The following ZAN variants were observed in gnomAD, a reference collection of about 807,000 sequenced individuals.
The protein encoded by ZAN is zonadhesin.
ZAN carries 260 observed loss-of-function variants against 286.2 expected under a neutral mutation model. The ratio of observed to expected loss-of-function variants is 0.91; its 90% CI spans 0.82 to 1.01. The LOEUF (loss-of-function observed/expected upper bound fraction) is 1.01, where lower values mean the gene tolerates loss of function less well. Ranked by LOEUF, ZAN falls within the 50% of genes least tolerant of loss-of-function variation. ZAN has a pLI of 0.00. For missense variants in ZAN, 3,410 were observed against 3,639.2 expected, an observed-to-expected ratio of 0.94 and a Z score of 1.62; for synonymous variants, 1,368 against 1,417.5, an observed-to-expected ratio of 0.97 and a Z score of 0.79.
At chr7:100,758,508 C>T (rs1161575433) in intron 16 of ZAN, 23 bp from the exon 17 acceptor site, 28 of 1,554,616 alleles carry the variant, frequency 1.8e-5, no homozygotes, top group Non-Finnish European at 2.4e-5. Context: ...AGCAGCTTCG[C>T]CTGTTCTCCT....
In ZAN at chr7:100,763,682, G is replaced by A; in HGVS notation, c.3987-124G>A. The A allele has an allele frequency of 1.1e-6, 1 of 920,768 alleles. No homozygotes were observed. Among genetic ancestry groups the A allele is most frequent in the Non-Finnish European group, 1.7e-6 (1 of 573,236 alleles). 57.0% of individuals were successfully genotyped at this position (920,768 alleles called of 1,614,324 possible). On this transcript the variant is annotated intron_variant, in intron 20 of 47. Coordinates refer to ENST00000613979, the MANE Select transcript of ZAN (RefSeq NM_003386.3). This position sits in a 1 kb window ranked among gnomAD's most constrained non-coding sequence, Gnocchi z 4.6. ...GGCTCAGTGGTCAAACATCCTCTGG[G>A]AGGGGTTTCCCAGCTGACAGGCTGG...
Position 100,797,654 on chromosome 7 carries a change from G to A in ZAN, c.8413+31G>A, listed in dbSNP as rs117805995. On this transcript the variant is annotated intron_variant, in intron 47 of 47. Coordinates refer to ENST00000613979, the MANE Select transcript of ZAN (RefSeq NM_003386.3). The stretch of plus-strand genomic sequence containing the variant: ...AACCAACCCCACAGCCCGGAACCTC[G>A]GGGCCTAGAGTTGAGTCTCCTCTCA... The A allele has an allele frequency of 8.3e-3, 13,358 of 1,613,938 alleles. 86 individuals are homozygous for A. Among genetic ancestry groups the A allele is most frequent in the Non-Finnish European group, 9.4e-3 (11,121 of 1,179,892 alleles).
chr7:100,759,320 C>A (rs967115620), intron 17 of ZAN, among the ~76,000 whole-genome samples: 1 of 152,018 alleles, frequency 6.6e-6, no homozygotes. Flanking sequence ...GCAGGAGGAT[C>A]GCTTGAGCCC....
intron 29 of ZAN, among the ~76,000 whole-genome samples, chr7:100,772,237 G>T (rs935610612): frequency 1.3e-5 from 2 of 150,756 alleles, no homozygotes; most frequent in Non-Finnish European, 2.9e-5. Context: ...TTGGAGACCA[G>T]CCTGGTCAAC....
At position 100,789,327 on chromosome 7, in the gene ZAN, T is replaced by G; in HGVS notation, c.7337T>G (p.Phe2446Cys). The part of the protein sequence containing the change: ...LVTDFELVVS[F>C]GGRKNAVISL... Reference sequence around the variant, plus strand: ...ACCGACTTTGAGCTGGTCGTCAGCTTTGGTGGAAGGAAAAATGCAGGTAAT... The same window carrying G: ...ACCGACTTTGAGCTGGTCGTCAGCTGTGGTGGAAGGAAAAATGCAGGTAAT... Residue 2446 changes from phenylalanine (F) to cysteine (C), a missense_variant, in exon 39 of 48, where the codon TTT (phenylalanine) becomes TGT (cysteine). Around this residue, in one of 7 missense-constraint regions of ZAN, gnomAD observed 1,289 missense variants for 1,314.3 expected, o/e 0.98. Transcript: ENST00000613979. 4.3e-6 allele frequency: 7 copies of G among 1,613,480 alleles called. No homozygotes were observed. Among genetic ancestry groups the G allele is most frequent in the Non-Finnish European group, 5.1e-6 (6 of 1,179,674 alleles).
intron 12 of ZAN, 134 bp from the exon 13 acceptor site, chr7:100,751,048 G>A: frequency 7.3e-7 from 1 of 1,367,874 alleles, no homozygotes; most frequent in Non-Finnish European, 9.8e-7. Flanking sequence ...AAGGGGCCGG[G>A]ATGGGGCTGG....
chr7:100,744,504 A>G (rs1808041261), intron 7 of ZAN, among the ~76,000 whole-genome samples: 1 of 151,188 alleles, frequency 6.6e-6, no homozygotes, highest in Non-Finnish European at 1.5e-5. Flanking sequence ...AGGCTGAGGC[A>G]GGAGAATTGT....
At position 100,743,760 on chromosome 7, in the gene ZAN, C is replaced by T. The variant is rs192603114; in HGVS notation, c.767-2778C>T. On this transcript the variant is annotated intron_variant, in intron 7 of 47. Transcript: ENST00000613979. ...AGTGTGGTGGCACACACCTGTAGTC[C>T]CAGATACTCGGGAGGCTGACGTGGG... 2.0e-4 allele frequency among the ~76,000 whole-genome samples: 30 copies of T among 151,400 alleles called. 1 individual carries two copies. In the Admixed American group the frequency reaches 2.0e-3, roughly 10 times the overall value.
At chr7:100,787,487 C>T (rs372451756) in intron 37 of ZAN, among the ~76,000 whole-genome samples, 1 of 152,094 alleles carries the variant, frequency 6.6e-6, no homozygotes, top group South Asian at 2.1e-4. Flanking sequence ...AGGGTGGCCA[C>T]AGGGGATGCC....
intron 44 of ZAN, among the ~76,000 whole-genome samples, chr7:100,794,672 A>G (rs1285736204): frequency 1.3e-5 from 2 of 152,068 alleles, no homozygotes; most frequent in African/African-American, 4.8e-5. Flanking sequence ...CGTCTCTACT[A>G]AAAATTAAAG....
At chr7:100,755,152 G>A (rs1170125963) in intron 14 of ZAN, 74 bp from the exon 15 acceptor site, 5 of 1,494,490 alleles carry the variant, frequency 3.3e-6, no homozygotes, top group Non-Finnish European at 4.5e-6. Context: ...TGAGTTTGGG[G>A]GTAGAGGAGA....
At chr7:100,738,745 C>T in intron 7 of ZAN, 132 bp downstream of exon 7, 1 of 1,101,094 alleles carries the variant, frequency 9.1e-7, no homozygotes. Context: ...ACGCAAGAAG[C>T]TGATTTCAAG....
chr7:100,745,929 G>A (rs188159860), intron 7 of ZAN, among the ~76,000 whole-genome samples: 1 of 150,264 alleles, frequency 6.7e-6, no homozygotes, highest in Non-Finnish European at 1.5e-5. Flanking sequence ...TGGACCTTAA[G>A]AGTTAGCACC....
In ZAN at chr7:100,753,158, C is replaced by G; in HGVS notation, c.3053C>G (p.Ser1018Cys). The change falls in exon 14 of 48, where the codon TCT (serine) becomes TGT (cysteine). Residue 1018 changes from serine to cysteine, a missense_variant. By Grantham distance (112) the Ser-to-Cys change is moderately radical (BLOSUM62 -1). Transcript: ENST00000613979. ...ACTGGGCTGGCAGCCTTGGTGATGTCTCCACATGCTCCAAGTACCCCTATG... is the reference window on the plus strand; with the variant it reads ...ACTGGGCTGGCAGCCTTGGTGATGTGTCCACATGCTCCAAGTACCCCTATG... ...TATGLAALVM[S>C]PHAPSTPMTS... 6.2e-7 allele frequency: 1 copy of G among 1,613,782 alleles called. No individual in the cohort carries two copies. Among genetic ancestry groups the G allele is most frequent in the Non-Finnish European group, 8.5e-7 (1 of 1,179,826 alleles).
chr7:100,776,580 G>A lies in ZAN; in HGVS notation c.6317+16G>A, dbSNP rs1296377079. On this transcript the variant is annotated intron_variant, in intron 34 of 47. Transcript: ENST00000613979. ...TTGACCCAAGGTAGTGGTCCCCTAA[G>A]ACCCTCTAGGTTTTCTTTCTTTTTC... 3.3e-6 allele frequency: 5 copies of A among 1,520,576 alleles called. No homozygotes were observed. Among genetic ancestry groups the A allele is most frequent in the Non-Finnish European group, 4.4e-6 (5 of 1,131,944 alleles). The allele number at this position is 1,520,576 out of a possible 1,614,324, so 94.2% of individuals were successfully genotyped here. A position where few individuals can be genotyped will look rare whatever the true frequency, so the allele number is the denominator to read the frequency against.
intron 45 of ZAN, among the ~76,000 whole-genome samples, chr7:100,796,348 T>C (rs1812361573): frequency 6.6e-6 from 1 of 151,902 alleles, no homozygotes; most frequent in Non-Finnish European, 1.5e-5. Context: ...CGGGGTAACT[T>C]GTGTACATGT....
At position 100,763,600 on chromosome 7, in the gene ZAN, G is replaced by A. The variant is rs1809739306; in HGVS notation, c.3987-206G>A. ...CTCAGTGTGTTACCCAGGCTGGCCTGGAACTCCTGGGCTCAAGCAATTCTC... is the reference window on the plus strand; with the variant it reads ...CTCAGTGTGTTACCCAGGCTGGCCTAGAACTCCTGGGCTCAAGCAATTCTC... On this transcript the variant is annotated intron_variant, in intron 20 of 47. Coordinates refer to ENST00000613979, the MANE Select transcript of ZAN (RefSeq NM_003386.3). The surrounding 1 kb of genome is among the most constrained non-coding windows in gnomAD (Gnocchi z 4.6). Among the ~76,000 whole-genome samples, 1 of 152,042 alleles carries A rather than the reference G, an allele frequency of 6.6e-6. No homozygotes were observed. The highest frequency in any genetic ancestry group is 2.4e-5 in the African/African-American group (1 of 41,386).
chr7:100,752,969 TCA>T lies in ZAN; in HGVS notation c.2866_2867del (p.Thr956HisfsTer109). 7.2e-7 allele frequency: 1 copy of T among 1,394,056 alleles called. No individual in the cohort carries two copies. The highest frequency in any genetic ancestry group is 9.4e-7 in the Non-Finnish European group (1 of 1,062,416). The allele number at this position is 1,394,056 out of a possible 1,614,324, so 86.4% of individuals were successfully genotyped here. A position where few individuals can be genotyped will look rare whatever the true frequency, so the allele number is the denominator to read the frequency against. On this transcript the variant is annotated frameshift_variant, in exon 14 of 48. Coordinates refer to ENST00000613979, the MANE Select transcript of ZAN (RefSeq NM_003386.3). LOFTEE classifies it high-confidence loss of function. The stretch of plus-strand genomic sequence containing the variant: ...AAACCCACCATCTCCCCAGAAAAAC[TCA>T]CCATCCCCACAGAAAAACCCACCAT...
intron 33 of ZAN, 125 bp downstream of exon 33, chr7:100,775,958 G>A: frequency 3.1e-6 from 4 of 1,279,402 alleles, no homozygotes; most frequent in Non-Finnish European, 4.3e-6. Flanking sequence ...GATGGAGCAG[G>A]GCAGTGGAGG....
Sources: gnomAD v4.1 joint callset for allele counts (sites outside exome capture counted in the v4.1 genomes callset) on GRCh38, gnomAD v4.1.1 for gene constraint, gnomAD v4.1.1 regional missense constraint, Gnocchi (gnomAD v3.1) non-coding constraint, MANE v1.5 for transcripts, NCBI Gene and HGNC (gene_info 2026-07-23, HGNC 2026-07-21) for gene names.